Variants in ISL2 observed in about 807,000 individuals in gnomAD.
The protein encoded by ISL2 is insulin gene enhancer protein ISL-2.
Under a neutral mutation model 34.6 loss-of-function variants are expected in ISL2, and 17 were observed. The observed-to-expected ratio is 0.49, with a 90% confidence interval of 0.34 to 0.74. The LOEUF (loss-of-function observed/expected upper bound fraction) is 0.74, where lower values mean the gene tolerates loss of function less well. ISL2 is among the 30% of genes least tolerant of loss of function. The pLI is 0.01. For synonymous variants in ISL2, 232 were observed against 225.5 expected (o/e 1.03, Z -0.26); for missense variants, 469 against 515.2 (o/e 0.91, Z 0.87).
At chr15:76,338,649 C>G (rs973029371) in intron 3 of ISL2, 135 bp downstream of exon 3, 3 of 1,229,126 alleles carry the variant, frequency 2.4e-6, no homozygotes, top group African/African-American at 3.1e-5. Flanking sequence ...TTTTCTGTAT[C>G]AGTGCGGAAC....
rs1357265442 is a variant in ISL2 at position 76,341,983 on chromosome 15, G to A, written c.*148G>A. 1.3e-5 allele frequency: 8 copies of A among 636,078 alleles called. No individual in the cohort carries two copies. Among genetic ancestry groups the A allele is most frequent in the Non-Finnish European group, 2.0e-5 (7 of 356,244 alleles). 39.4% of individuals were successfully genotyped at this position (636,078 alleles called of 1,614,324 possible). On this transcript the variant is annotated 3_prime_UTR_variant, in exon 6 of 6. Transcript: ENST00000290759. ...AGAGAGTACCGAGAGACACGGTCTG[G>A]ACAGCCCAAGGCGCCAGGATGCAAC...
intron 3 of ISL2, chr15:76,339,748 T>A: frequency 4.0e-6 from 4 of 989,390 alleles, no homozygotes; most frequent in Non-Finnish European, 4.8e-6. Flanking sequence ...CTTCTACACA[T>A]GTGGCCTGGC....
intron 3 of ISL2, chr15:76,338,988 G>A (rs2040173076): frequency 1.0e-6 from 1 of 985,266 alleles, no homozygotes; most frequent in African/African-American, 1.7e-5. Flanking sequence ...AACAAAGAGG[G>A]GTTTTTGCCA....
chr15:76,340,120 C>T (rs892815706), intron 3 of ISL2, 156 bp from the exon 4 acceptor site: 10 of 1,422,978 alleles, frequency 7.0e-6, no homozygotes, highest in African/African-American at 1.4e-5. Context: ...CCGAGTAAGG[C>T]GAACAGATGG....
chr15:76,338,852 A>G (rs2040172448), intron 3 of ISL2: 2 of 985,366 alleles, frequency 2.0e-6, no homozygotes, highest in African/African-American at 1.7e-5. Flanking sequence ...GGCTTGTATT[A>G]GGAATTTCTT....
At chr15:76,340,627 C>G in intron 4 of ISL2, 68 bp downstream of exon 4, 2 of 1,500,622 alleles carry the variant, frequency 1.3e-6, no homozygotes, top group Admixed American at 3.7e-5. Flanking sequence ...TATCTGCGTG[C>G]CCTTTTCTGG....
chr15:76,338,853 G>A (rs2040172462), intron 3 of ISL2: 2 of 985,272 alleles, frequency 2.0e-6, no homozygotes, highest in Admixed American at 1.2e-4. Context: ...GCTTGTATTA[G>A]GAATTTCTTG....
intron 3 of ISL2, chr15:76,339,219 G>A (rs1244186711): frequency 1.0e-6 from 1 of 985,310 alleles, no homozygotes; most frequent in African/African-American, 1.7e-5. Flanking sequence ...TAGGCCTGCA[G>A]CACAGATCCG....
intron 3 of ISL2, chr15:76,338,807 T>A: frequency 2.0e-6 from 2 of 985,418 alleles, no homozygotes; most frequent in Non-Finnish European, 2.4e-6. Flanking sequence ...GAAGAGTGGA[T>A]GACAACAGGG....
At position 76,341,771 on chromosome 15, in the gene ISL2, C is replaced by G; in HGVS notation, c.1016C>G (p.Thr339Ser). The change falls in exon 6 of 6, where the codon ACC (threonine) becomes AGC (serine). Residue 339 changes from threonine to serine, a missense_variant. Physicochemically the swap from Thr to Ser is moderately conservative, Grantham distance 58. Coordinates refer to ENST00000290759, the MANE Select transcript of ISL2 (RefSeq NM_145805.3). ...SLGNSSGSDV[T>S]SLSSQLPDTP... ...GGCAACTCCTCCGGCAGCGACGTGA[C>G]CTCCCTGTCCTCGCAGCTCCCGGAC... The G allele has an allele frequency of 1.2e-6, 2 of 1,614,006 alleles. No homozygotes were observed. Among genetic ancestry groups the G allele is most frequent in the Non-Finnish European group, 8.5e-7 (1 of 1,180,008 alleles).
chr15:76,341,855 G>A lies in ISL2; in HGVS notation c.*20G>A. Reference sequence around the variant, plus strand: ...ACGTGAGGGGGACCCCTCCCTGCCAGCCCGCGGACCTCGCATGCTCCCTGC... The same window carrying A: ...ACGTGAGGGGGACCCCTCCCTGCCAACCCGCGGACCTCGCATGCTCCCTGC... On this transcript the variant is annotated 3_prime_UTR_variant, in exon 6 of 6. Coordinates refer to ENST00000290759, the MANE Select transcript of ISL2 (RefSeq NM_145805.3). 1.3e-6 allele frequency: 2 copies of A among 1,538,076 alleles called. No homozygotes were observed. Among genetic ancestry groups the A allele is most frequent in the Non-Finnish European group, 1.8e-6 (2 of 1,111,860 alleles).
Position 76,338,596 on chromosome 15 carries a change from A to G in ISL2, c.511+82A>G, listed in dbSNP as rs547226645. On this transcript the variant is annotated intron_variant, in intron 3 of 5. Coordinates refer to ENST00000290759, the MANE Select transcript of ISL2 (RefSeq NM_145805.3). ...TAGGGGTACGCTTGTGTCCCTAACGAGAAGTTGTCAGTTGTGTGTGGTTCC... is the reference window on the plus strand; with the variant it reads ...TAGGGGTACGCTTGTGTCCCTAACGGGAAGTTGTCAGTTGTGTGTGGTTCC... The G allele has an allele frequency of 1.2e-4, 152 of 1,255,450 alleles. No individual in the cohort carries two copies. In the African/African-American group the frequency reaches 2.3e-3, roughly 19 times the overall value. The allele number at this position is 1,255,450 out of a possible 1,614,324, so 77.8% of individuals were successfully genotyped here.
At chr15:76,339,277 C>T (rs1465766110) in intron 3 of ISL2, 3 of 984,750 alleles carry the variant, frequency 3.0e-6, no homozygotes, top group Non-Finnish European at 3.6e-6. Context: ...CCCCGCTCCT[C>T]CCCTCTCTGG....
chr15:76,340,962 C>G (rs1004864055), intron 4 of ISL2, among the ~76,000 whole-genome samples, 172 bp from the exon 5 acceptor site: 1 of 152,374 alleles, frequency 6.6e-6, no homozygotes, highest in South Asian at 2.1e-4. Context: ...AAGTTTGCGG[C>G]CCCCGCAGAT....
At chr15:76,339,475 A>G (rs2141582519) in intron 3 of ISL2, 1 of 985,624 alleles carries the variant, frequency 1.0e-6, no homozygotes, top group Admixed American at 6.1e-5. Context: ...GTGCACCCCC[A>G]TCTGGGATCT....
intron 4 of ISL2, 110 bp from the exon 5 acceptor site, chr15:76,341,024 G>T: frequency 1.8e-6 from 2 of 1,083,426 alleles, no homozygotes; most frequent in Non-Finnish European, 2.6e-6. Context: ...GCGCCTCCCC[G>T]CAAAGCAATG....
Position 76,337,800 on chromosome 15 carries a change from C to T in ISL2, c.81C>T (p.Cys27=). ...CAGAGAAGCCCGGGACGGCCATGTG[C>T]GTGGGCTGCGGGAGTCAGATCCACG... is the stretch of plus-strand genomic sequence containing the variant. The part of the protein sequence containing the change: ...HSKKKPGTAM[C]VGCGSQIHDQ... The change falls in exon 2 of 6, where the codon TGC becomes TGT. Residue 27 remains cysteine (C), a synonymous_variant. Coordinates refer to ENST00000290759, the MANE Select transcript of ISL2 (RefSeq NM_145805.3). The T allele has an allele frequency of 1.9e-6, 3 of 1,603,498 alleles. No individual in the cohort carries two copies. Among genetic ancestry groups the T allele is most frequent in the Non-Finnish European group, 1.7e-6 (2 of 1,174,324 alleles).
Position 76,340,264 on chromosome 15 carries a change from C to A in ISL2, c.512-12C>A. 6.3e-7 allele frequency: 1 copy of A among 1,586,920 alleles called. No individual in the cohort carries two copies. The highest frequency in any genetic ancestry group is 8.6e-7 in the Non-Finnish European group (1 of 1,169,336). On this transcript the variant is annotated splice_polypyrimidine_tract_variant and intron_variant, in intron 3 of 5. Coordinates refer to ENST00000290759, the MANE Select transcript of ISL2 (RefSeq NM_145805.3). ...CCCCTCGCTAACCTCTGGCCTCACC[C>A]TGTCCTGGCAGACGCTGGGTCGGGC...
intron 2 of ISL2, 67 bp from the exon 3 acceptor site, chr15:76,338,185 G>A (rs2040166954): frequency 1.3e-6 from 2 of 1,496,612 alleles, no homozygotes; most frequent in East Asian, 2.7e-5. Context: ...CGCCGGAGCC[G>A]TAGCAGCCAG....
Sources: gnomAD v4.1 joint callset for allele counts (sites outside exome capture counted in the v4.1 genomes callset) on GRCh38, gnomAD v4.1.1 for gene constraint, MANE v1.5 for transcripts, NCBI Gene and HGNC (gene_info 2026-07-23, HGNC 2026-07-21) for gene names.